Variants in MARCHF5 observed in about 807,000 individuals in gnomAD.
MARCHF5 encodes the protein membrane associated ring-CH-type finger 5, also known as E3 ubiquitin-protein ligase MARCHF5.
In MARCHF5, 5 loss-of-function variants were observed where a neutral mutation model predicts 36.5. The ratio of observed to expected loss-of-function variants is 0.14; its 90% confidence interval spans 0.07 to 0.29. The LOEUF (loss-of-function observed/expected upper bound fraction) is 0.29. Ranked by LOEUF, MARCHF5 falls within the 10% of genes least tolerant of loss-of-function variation. The pLI is 1.00. For synonymous variants in MARCHF5, 103 were observed against 109.9 expected, an observed-to-expected ratio of 0.94 and a Z score of 0.39; for missense variants, 179 against 336.3, an observed-to-expected ratio of 0.53 and a Z score of 3.66.
rs548480654 is a variant in MARCHF5 at position 92,319,589 on chromosome 10, C to T, written c.238+8252C>T. Among the ~76,000 whole-genome samples, 285 of 145,004 alleles carry T rather than the reference C, an allele frequency of 2.0e-3. 3 individuals carry two copies. The highest frequency in any genetic ancestry group is 7.0e-3 in the African/African-American group (275 of 39,332). ...GATTACAGGCGTGAGCCACCGCGCC[C>T]GGCCTCTACTTTACTTTTTATCATT... On this transcript the variant is annotated intron_variant, in intron 2 of 5. Transcript: ENST00000358935.
At chr10:92,346,235 T>G (rs1843642522) in intron 3 of MARCHF5, among the ~76,000 whole-genome samples, 1 of 152,186 alleles carries the variant, frequency 6.6e-6, no homozygotes, top group Admixed American at 6.5e-5. Flanking sequence ...ACTGCAGGTG[T>G]TATACTACCT....
chr10:92,326,869 C>T (rs767655003), intron 2 of MARCHF5, among the ~76,000 whole-genome samples: 1 of 151,360 alleles, frequency 6.6e-6, no homozygotes, highest in African/African-American at 2.4e-5. Context: ...TTCAAAGACA[C>T]GAGGTACAGT....
chr10:92,346,492 C>CTTTTTTTTT (rs763991703), intron 3 of MARCHF5, among the ~76,000 whole-genome samples: 5 of 88,302 alleles, frequency 5.7e-5, no homozygotes, highest in Non-Finnish European at 9.0e-5. Context: ...CTATTTCCTT[C>CTTTTTTTTT]TTTTTTTTTT....
intron 2 of MARCHF5, chr10:92,334,438 A>G (rs1366613491): frequency 6.6e-6 from 1 of 152,410 alleles, no homozygotes; most frequent in African/African-American, 2.4e-5. Flanking sequence ...ACTTTCGCAC[A>G]ACAAAGTATA....
At chr10:92,340,075 G>A (rs1381664425) in intron 2 of MARCHF5, among the ~76,000 whole-genome samples, 7 of 152,158 alleles carry the variant, frequency 4.6e-5, no homozygotes, top group African/African-American at 1.4e-4. Flanking sequence ...TACAGTGAGT[G>A]AAGTCAGAGA....
intron 2 of MARCHF5, among the ~76,000 whole-genome samples, chr10:92,319,761 TCTC>T (rs1192406713): frequency 2.7e-5 from 4 of 147,702 alleles, no homozygotes; most frequent in African/African-American, 1.0e-4. Flanking sequence ...TTGAAGCAAT[TCTC>T]CTGCCTCAGC....
chr10:92,314,452 G>A (rs1843183049), intron 2 of MARCHF5, among the ~76,000 whole-genome samples: 1 of 152,128 alleles, frequency 6.6e-6, no homozygotes. Context: ...GACCAGCTTG[G>A]CCAACATGGT....
chr10:92,308,097 C>A (rs1185913285), intron 1 of MARCHF5, among the ~76,000 whole-genome samples: 1 of 151,866 alleles, frequency 6.6e-6, no homozygotes, highest in East Asian at 1.9e-4. Flanking sequence ...CCTGCCACCA[C>A]GCCTGGCTAA....
chr10:92,292,011 C>A (rs1241005902), intron 1 of MARCHF5, among the ~76,000 whole-genome samples: 1 of 151,830 alleles, frequency 6.6e-6, no homozygotes, highest in Admixed American at 6.6e-5. Flanking sequence ...TCCCTGAACC[C>A]GCACCCCCCG....
At chr10:92,333,200 T>A (rs1190182107) in intron 2 of MARCHF5, among the ~76,000 whole-genome samples, 4 of 151,796 alleles carry the variant, frequency 2.6e-5, no homozygotes, top group Admixed American at 6.6e-5. Context: ...AAATTCACGT[T>A]TGTTGGCTTG....
chr10:92,341,780 CTTTTTTT>C (rs71025395), intron 3 of MARCHF5, among the ~76,000 whole-genome samples: 2 of 77,392 alleles, frequency 2.6e-5, no homozygotes, highest in African/African-American at 9.3e-5. Context: ...AGTTTACATC[CTTTTTTT>C]TTTTTTTTTT....
At chr10:92,311,549 G>A (rs1407107642) in intron 2 of MARCHF5, among the ~76,000 whole-genome samples, 1 of 151,786 alleles carries the variant, frequency 6.6e-6, no homozygotes, top group East Asian at 1.9e-4. Flanking sequence ...ATTTGCCTGT[G>A]TATTAACTGT....
At chr10:92,306,225 C>T (rs1843071548) in intron 1 of MARCHF5, among the ~76,000 whole-genome samples, 1 of 152,200 alleles carries the variant, frequency 6.6e-6, no homozygotes, top group Non-Finnish European at 1.5e-5. Context: ...GCCTCACATT[C>T]TCTGCTTCTA....
chr10:92,303,313 T>G (rs1843037927), intron 1 of MARCHF5, among the ~76,000 whole-genome samples: 1 of 152,234 alleles, frequency 6.6e-6, no homozygotes, highest in African/African-American at 2.4e-5. Flanking sequence ...CCAACCACAT[T>G]GGTCTATGAA....
chr10:92,349,713 C>T lies in MARCHF5; in HGVS notation c.596C>T (p.Pro199Leu), dbSNP rs1843696083. 6.2e-7 allele frequency: 1 copy of T among 1,614,032 alleles called. No individual in the cohort carries two copies. Among genetic ancestry groups the T allele is most frequent in the South Asian group, 1.1e-5 (1 of 91,086 alleles). ...CCTCGAATTCCAGCTGAGGCCAATC[C>T]TTTAGCAGATCATGTCTCTGCTACT... ...PVPRIPAEAN[P>L]LADHVSATRI... Residue 199 changes from proline to leucine, a missense_variant, in exon 5 of 6, where the codon CCT (proline) becomes CTT (leucine). This residue lies in a region of MARCHF5 where 95 missense variants were observed against 139.5 expected (regional missense o/e 0.68). Transcript: ENST00000358935.
intron 2 of MARCHF5, among the ~76,000 whole-genome samples, chr10:92,313,962 G>A (rs1201865848): frequency 6.6e-6 from 1 of 152,152 alleles, no homozygotes; most frequent in Non-Finnish European, 1.5e-5. Flanking sequence ...TGAGGCTCAG[G>A]TGGGTGGATT....
At chr10:92,342,462 A>G (rs572230504) in intron 3 of MARCHF5, among the ~76,000 whole-genome samples, 12 of 152,238 alleles carry the variant, frequency 7.9e-5, no homozygotes, top group Middle Eastern at 3.4e-3. Context: ...TTTCTATTTT[A>G]TAGCCTTCTA....
chr10:92,317,531 G>GT, intron 2 of MARCHF5, among the ~76,000 whole-genome samples: 1 of 151,366 alleles, frequency 6.6e-6, no homozygotes, highest in South Asian at 2.1e-4. Context: ...TCTTAACTTT[G>GT]TTTTTAGATT....
intron 3 of MARCHF5, among the ~76,000 whole-genome samples, chr10:92,345,263 C>T (rs1482704031): frequency 6.6e-6 from 1 of 152,062 alleles, no homozygotes; most frequent in Non-Finnish European, 1.5e-5. Context: ...GTAATCCCAG[C>T]ACGTTGGGAA....
Sources: gnomAD v4.1 joint callset for allele counts (sites outside exome capture counted in the v4.1 genomes callset) on GRCh38, gnomAD v4.1.1 for gene constraint, gnomAD v4.1.1 regional missense constraint, MANE v1.5 for transcripts, NCBI Gene and HGNC (gene_info 2026-07-23, HGNC 2026-07-21) for gene names.